Variants in RORB observed in about 807,000 individuals in gnomAD.
RORB encodes the protein RAR related orphan receptor B.
RORB carries 6 observed loss-of-function variants against 59.1 expected under a neutral mutation model. The ratio of observed to expected loss-of-function variants is 0.10; its 90% CI spans 0.06 to 0.20. The LOEUF is 0.20. Among genes scored for constraint, RORB ranks in the 10% least tolerant of loss-of-function variants. RORB has a pLI of 1.00. For missense variants in RORB, 320 were observed against 560.5 expected (o/e 0.57, Z 4.33); for synonymous variants, 215 against 204.5 (o/e 1.05, Z -0.44).
chr9:74,656,919 C>G (rs562934458), intron 4 of RORB, among the ~76,000 whole-genome samples: 2 of 152,182 alleles, frequency 1.3e-5, no homozygotes, highest in African/African-American at 2.4e-5. Context: ...TCTGTCCACC[C>G]TAGTCTTATT....
At chr9:74,605,180 G>A (rs1227200702) in intron 1 of RORB, among the ~76,000 whole-genome samples, 1 of 152,146 alleles carries the variant, frequency 6.6e-6, no homozygotes, top group African/African-American at 2.4e-5. Flanking sequence ...ATGTATTAAT[G>A]ATGATAAGTA....
At chr9:74,506,908 C>T (rs1050662985) in intron 1 of RORB, among the ~76,000 whole-genome samples, 3 of 152,014 alleles carry the variant, frequency 2.0e-5, no homozygotes, top group African/African-American at 7.2e-5. Context: ...TATGGTAATT[C>T]CAGATTTTTT....
At chr9:74,671,663 A>G (rs556311262) in intron 8 of RORB, 126 bp from the exon 9 acceptor site, 18 of 524,080 alleles carry the variant, frequency 3.4e-5, no homozygotes, top group East Asian at 2.8e-4. Context: ...GTAAATAATG[A>G]CATGTCTTCA....
At chr9:74,543,405 C>A (rs1382003943) in intron 1 of RORB, among the ~76,000 whole-genome samples, 1 of 152,164 alleles carries the variant, frequency 6.6e-6, no homozygotes, top group East Asian at 1.9e-4. Flanking sequence ...AACAGAGGCC[C>A]ATTTGCTGTT....
At chr9:74,504,725 C>T (rs950626966) in intron 1 of RORB, among the ~76,000 whole-genome samples, 1 of 152,020 alleles carries the variant, frequency 6.6e-6, no homozygotes, top group Non-Finnish European at 1.5e-5. Context: ...GCTTTTCTTA[C>T]TACCCTACGT....
At chr9:74,588,515 G>C (rs1822840737) in intron 1 of RORB, among the ~76,000 whole-genome samples, 1 of 152,206 alleles carries the variant, frequency 6.6e-6, no homozygotes, top group East Asian at 1.9e-4. Context: ...ATGGAAATAA[G>C]TCTACCTCTC....
rs1193245645 is a variant in RORB at position 74,686,749 on chromosome 9, G to T, written c.*1131G>T. 3 of 152,548 alleles carry T rather than the reference G, an allele frequency of 2.0e-5. No individual in the cohort carries two copies. Among genetic ancestry groups the T allele is most frequent in the East Asian group, 3.9e-4 (2 of 5,190 alleles). The allele number at this position is 152,548 out of a possible 1,614,324, so 9.4% of individuals were successfully genotyped here. ...TTGGCAAGAAAAGGTAGAAAGAGAA[G>T]ACCCAGAGTGAAGAAGTAATTCTTT... On this transcript the variant is annotated 3_prime_UTR_variant, in exon 10 of 10. Transcript: ENST00000376896.
chr9:74,608,689 T>TA (rs1423258099), intron 1 of RORB, among the ~76,000 whole-genome samples: 2 of 56,680 alleles, frequency 3.5e-5, no homozygotes, highest in Non-Finnish European at 4.9e-5. Flanking sequence ...AAACTGTGAA[T>TA]GGTTTTTATA....
intron 4 of RORB, among the ~76,000 whole-genome samples, chr9:74,655,970 C>T (rs1056642923): frequency 2.6e-5 from 4 of 152,174 alleles, no homozygotes; most frequent in African/African-American, 7.2e-5. Flanking sequence ...CATTGCCATT[C>T]GTAATAAGTC....
At chr9:74,582,270 C>G (rs999247818) in intron 1 of RORB, among the ~76,000 whole-genome samples, 3 of 152,088 alleles carry the variant, frequency 2.0e-5, no homozygotes, top group Non-Finnish European at 4.4e-5. Context: ...GCCAGTAAAC[C>G]ATTCTAGGGT....
intron 1 of RORB, among the ~76,000 whole-genome samples, chr9:74,552,474 C>T (rs1826626520): frequency 6.6e-6 from 1 of 152,028 alleles, no homozygotes; most frequent in African/African-American, 2.4e-5. Context: ...GATGGGACTA[C>T]ATCTTAAGAG....
Position 74,573,464 on chromosome 9 carries a change from TAA to T in RORB, c.8-56798_8-56797del, listed in dbSNP as rs5898361. Among the ~76,000 whole-genome samples the T allele has an allele frequency of 9.0e-3, 1,191 of 131,830 alleles. 12 individuals are homozygous for T. The highest frequency in any genetic ancestry group is 0.021 in the African/African-American group (736 of 35,632). The allele number at this position is 131,830 out of a possible 152,430, so 86.5% of individuals were successfully genotyped here. A position where few individuals can be genotyped will look rare whatever the true frequency, so the allele number is the denominator to read the frequency against. ...CAACCAAAGGCTGAGCTTTTGTTAT[TAA>T]AAAAAAAAAAAAAAAAAAACTGGGC... On this transcript the variant is annotated intron_variant, in intron 1 of 9. Transcript: ENST00000376896.
rs188111820 is a variant in RORB, at chr9:74,687,986, A to T, written c.*2368A>T. On this transcript the variant is annotated 3_prime_UTR_variant, in exon 10 of 10. Coordinates refer to ENST00000376896, the MANE Select transcript of RORB (RefSeq NM_006914.4). ...GTAATTCCTGCTCAGTTGCAGAGGGAATTATTTATTTCCTCCAATTTACCT... is the reference window on the plus strand; with the variant it reads ...GTAATTCCTGCTCAGTTGCAGAGGGTATTATTTATTTCCTCCAATTTACCT... The T allele has an allele frequency of 6.6e-6, 1 of 152,212 alleles. No homozygotes were observed. Among genetic ancestry groups the T allele is most frequent in the East Asian group, 1.9e-4 (1 of 5,176 alleles). The allele number at this position is 152,212 out of a possible 1,614,324, so 9.4% of individuals were successfully genotyped here.
chr9:74,550,798 T>C (rs1826595553), intron 1 of RORB, among the ~76,000 whole-genome samples: 1 of 152,232 alleles, frequency 6.6e-6, no homozygotes, highest in East Asian at 1.9e-4. Flanking sequence ...CATTTAGAGC[T>C]GCATTGTCCA....
At chr9:74,499,154 G>A (rs1178524565) in intron 1 of RORB, 1 of 151,306 alleles carries the variant, frequency 6.6e-6, no homozygotes, top group Non-Finnish European at 1.5e-5. Context: ...TCTATCCTTC[G>A]CACGTACCCC....
At chr9:74,514,292 T>C (rs943030417) in intron 1 of RORB, among the ~76,000 whole-genome samples, 10 of 152,030 alleles carry the variant, frequency 6.6e-5, no homozygotes, top group African/African-American at 2.4e-4. Context: ...AGACCACATA[T>C]CTGCAAACTT....
intron 1 of RORB, among the ~76,000 whole-genome samples, chr9:74,521,913 A>G (rs906638167): frequency 1.3e-5 from 2 of 151,784 alleles, no homozygotes; most frequent in Admixed American, 6.6e-5. Flanking sequence ...ACATTGCTGC[A>G]GTTTTTGACA....
chr9:74,645,229 A>C (rs1470116075), intron 4 of RORB, among the ~76,000 whole-genome samples: 1 of 152,092 alleles, frequency 6.6e-6, no homozygotes, highest in African/African-American at 2.4e-5. Context: ...GTGGACACAA[A>C]CCCATTCTAT....
Position 74,686,484 on chromosome 9 carries a change from T to A in RORB, c.*866T>A, listed in dbSNP as rs1824648122. ...CAGATAACATTGCAAGGTCCAAGAC[T>A]TTTTTGACCAAACAGTAGATATTTT... is the stretch of plus-strand genomic sequence containing the variant. On this transcript the variant is annotated 3_prime_UTR_variant, in exon 10 of 10. Coordinates refer to ENST00000376896, the MANE Select transcript of RORB (RefSeq NM_006914.4). 6.6e-6 allele frequency: 1 copy of A among 152,246 alleles called. No homozygotes were observed. The highest frequency in any genetic ancestry group is 2.4e-5 in the African/African-American group (1 of 41,462). The allele number at this position is 152,246 out of a possible 1,614,324, so 9.4% of individuals were successfully genotyped here.
Sources: allele counts gnomAD v4.1 joint callset (sites outside exome capture counted in the v4.1 genomes callset), GRCh38; gene constraint gnomAD v4.1.1; transcripts MANE v1.5; gene names NCBI Gene and HGNC (gene_info 2026-07-23, HGNC 2026-07-21).